SMG6: variants seen among roughly 807,000 people sequenced by gnomAD.
The protein encoded by SMG6 is telomerase-binding protein EST1A.
In SMG6, 66 loss-of-function variants were observed where a neutral mutation model predicts 142.2. The ratio of observed to expected loss-of-function variants is 0.46; its 90% CI spans 0.38 to 0.57. SMG6 has a LOEUF of 0.57. Among genes scored for constraint, SMG6 ranks in the 20% least tolerant of loss-of-function variants. The pLI is 0.00. For synonymous variants in SMG6, 779 were observed against 702.4 expected, an observed-to-expected ratio of 1.11 and a Z score of -1.72; for missense variants, 1,793 against 1,832.0, an observed-to-expected ratio of 0.98 and a Z score of 0.39.
At chr17:2,077,966 CA>C (rs901214515) in intron 15 of SMG6, among the ~76,000 whole-genome samples, 1 of 152,088 alleles carries the variant, frequency 6.6e-6, no homozygotes, top group African/African-American at 2.4e-5. Context: ...GGGAACAGAT[CA>C]AAAAGCCTTA....
chr17:2,068,671 C>T lies in SMG6; in HGVS notation c.3835+107G>A. 8.5e-7 allele frequency: 1 copy of T among 1,178,336 alleles called. No individual in the cohort carries two copies. Among genetic ancestry groups the T allele is most frequent in the Non-Finnish European group, 1.2e-6 (1 of 841,544 alleles). 73.0% of individuals were successfully genotyped at this position (1,178,336 alleles called of 1,614,324 possible). A position where few individuals can be genotyped will look rare whatever the true frequency, so the allele number is the denominator to read the frequency against. On this transcript the variant is annotated intron_variant, in intron 16 of 18. Coordinates refer to ENST00000263073, the MANE Select transcript of SMG6 (RefSeq NM_017575.5). The surrounding 1 kb of genome is among the most constrained non-coding windows in gnomAD (Gnocchi z 6.7). ...CTACTCCCCTGCAAATCCCATCTTA[C>T]ACACGCACAGCAGGGCTCTGCCTGC...
At chr17:2,272,929 C>CAA (rs1264305762) in intron 8 of SMG6, among the ~76,000 whole-genome samples, 3 of 134,974 alleles carry the variant, frequency 2.2e-5, no homozygotes, top group East Asian at 2.2e-4. Context: ...AACTCTGTCT[C>CAA]AAAAAAAAAA....
intron 13 of SMG6, among the ~76,000 whole-genome samples, chr17:2,125,910 G>A (rs1361275105): frequency 1.5e-5 from 2 of 137,224 alleles, no homozygotes; most frequent in Non-Finnish European, 3.0e-5. Flanking sequence ...CTGACATTGT[G>A]CCACTGCACT....
intron 13 of SMG6, among the ~76,000 whole-genome samples, chr17:2,105,630 C>T (rs1331475789): frequency 6.6e-6 from 1 of 152,186 alleles, no homozygotes; most frequent in Non-Finnish European, 1.5e-5. Flanking sequence ...ACAGTTCTGA[C>T]GAATTTGCCT....
chr17:2,283,550 C>T, intron 7 of SMG6, 75 bp downstream of exon 7: 2 of 1,207,404 alleles, frequency 1.7e-6, no homozygotes, highest in East Asian at 4.7e-5. Context: ...TGCCGGTGCG[C>T]AGAGCTAGGG....
rs879366226 is a variant in SMG6 at position 2,108,813 on chromosome 17, G to A, written c.3358-22912C>T. Among the ~76,000 whole-genome samples, 16 of 151,988 alleles carry A rather than the reference G, an allele frequency of 1.1e-4. No individual in the cohort carries two copies. In the East Asian group the frequency reaches 2.7e-3, roughly 26 times the overall value. The stretch of plus-strand genomic sequence containing the variant: ...AAAAAAATTAGTCGCGCATGGTGGC[G>A]GGCGCCTGTAATCGCAGCTACTCGG... On this transcript the variant is annotated intron_variant, in intron 13 of 18. Transcript: ENST00000263073.
At chr17:2,192,136 A>AG (rs900608074) in intron 10 of SMG6, among the ~76,000 whole-genome samples, 14 of 152,226 alleles carry the variant, frequency 9.2e-5, no homozygotes. Context: ...GTGAGGCAGG[A>AG]GGGGCGGAGA....
At chr17:2,107,771 G>A (rs1311034417) in intron 13 of SMG6, among the ~76,000 whole-genome samples, 1 of 152,230 alleles carries the variant, frequency 6.6e-6, no homozygotes, top group Non-Finnish European at 1.5e-5. Flanking sequence ...AGAGAAGGCA[G>A]GTGGCATGTT....
intron 10 of SMG6, among the ~76,000 whole-genome samples, chr17:2,193,953 C>T (rs915210276): frequency 2.6e-5 from 4 of 152,210 alleles, no homozygotes; most frequent in Admixed American, 2.0e-4. Context: ...GCCTCAGCCT[C>T]CCAAGTAGCT....
At chr17:2,099,262 C>T (rs1341573350) in intron 13 of SMG6, among the ~76,000 whole-genome samples, 1 of 151,916 alleles carries the variant, frequency 6.6e-6, no homozygotes, top group Non-Finnish European at 1.5e-5. Context: ...CTCGGAGATG[C>T]TACCTTCTGT....
chr17:2,152,213 G>A (rs2070848919), intron 13 of SMG6, among the ~76,000 whole-genome samples: 2 of 152,186 alleles, frequency 1.3e-5, no homozygotes, highest in African/African-American at 4.8e-5. Context: ...AAAAGCTTCA[G>A]AAATCTGTCT....
At chr17:2,097,653 CA>C (rs1055041639) in intron 13 of SMG6, among the ~76,000 whole-genome samples, 5 of 152,140 alleles carry the variant, frequency 3.3e-5, no homozygotes, top group Admixed American at 3.3e-4. Flanking sequence ...AAACAAAAAA[CA>C]AAAGAAAACA....
intron 13 of SMG6, among the ~76,000 whole-genome samples, chr17:2,144,904 C>T (rs1465370498): frequency 6.6e-6 from 1 of 152,102 alleles, no homozygotes; most frequent in Non-Finnish European, 1.5e-5. Context: ...TTCAGGCCCG[C>T]TCACCATAGT....
At chr17:2,215,467 A>T (rs1322096669) in intron 10 of SMG6, 1 of 152,200 alleles carries the variant, frequency 6.6e-6, no homozygotes, top group African/African-American at 2.4e-5. Flanking sequence ...GAAAAATTGA[A>T]AACTACCTAA....
intron 8 of SMG6, among the ~76,000 whole-genome samples, chr17:2,263,847 C>T (rs1222499732): frequency 6.6e-6 from 1 of 152,082 alleles, no homozygotes; most frequent in Non-Finnish European, 1.5e-5. Flanking sequence ...TCAAATACAT[C>T]AGATCTAAGA....
chr17:2,138,560 C>G (rs1484137655), intron 13 of SMG6, among the ~76,000 whole-genome samples: 1 of 152,102 alleles, frequency 6.6e-6, no homozygotes, highest in Non-Finnish European at 1.5e-5. Context: ...GAGTAGTAGA[C>G]CAGATGCTTT....
intron 8 of SMG6, among the ~76,000 whole-genome samples, chr17:2,253,882 G>A (rs1003246251): frequency 6.6e-6 from 1 of 152,178 alleles, no homozygotes; most frequent in African/African-American, 2.4e-5. Flanking sequence ...GTTTCCACCT[G>A]CAGGGTAGAA....
intron 1 of SMG6, 152 bp from the exon 2 acceptor site, chr17:2,300,816 C>T: frequency 1.4e-6 from 1 of 702,110 alleles, no homozygotes; most frequent in Non-Finnish European, 2.3e-6. Flanking sequence ...CAAAGAAGGA[C>T]ATTTCTGTAG....
chr17:2,273,385 G>C (rs1309487169), intron 8 of SMG6, among the ~76,000 whole-genome samples: 1 of 152,138 alleles, frequency 6.6e-6, no homozygotes. Context: ...GCGTGGCTGG[G>C]GACAGTGGCT....
Sources: allele counts gnomAD v4.1 joint callset (sites outside exome capture counted in the v4.1 genomes callset), GRCh38; gene constraint gnomAD v4.1.1; non-coding constraint Gnocchi (gnomAD v3.1); transcripts MANE v1.5; gene names NCBI Gene and HGNC (gene_info 2026-07-23, HGNC 2026-07-21).